The following DSCAM variants were observed in gnomAD, a reference collection of about 807,000 sequenced individuals.
The protein encoded by DSCAM is DS cell adhesion molecule, also known as cell adhesion molecule DSCAM.
Under a neutral mutation model 217.7 loss-of-function variants are expected in DSCAM, and 47 were observed. The observed-to-expected ratio is 0.22, with a 90% CI of 0.17 to 0.28. The LOEUF is 0.28. Ranked by LOEUF, DSCAM falls within the 10% of genes least tolerant of loss-of-function variation. DSCAM has a pLI of 1.00. For missense variants in DSCAM, 2,080 were observed against 2,618.3 expected, an observed-to-expected ratio of 0.79 and a Z score of 4.49; for synonymous variants, 1,056 against 1,015.3, an observed-to-expected ratio of 1.04 and a Z score of -0.76.
chr21:40,100,234 GA>G (rs1170556873), intron 20 of DSCAM, among the ~76,000 whole-genome samples: 2 of 151,970 alleles, frequency 1.3e-5, no homozygotes, highest in African/African-American at 2.4e-5. Flanking sequence ...GGAGAAAAAA[GA>G]AAAAAAGAGC....
In DSCAM at chr21:40,739,954, A is replaced by ATTT. The variant is rs56815777; in HGVS notation, c.44-31186_44-31184dup. ...GCCACCTCTAGATGATGCAGGTGTA[A>ATTT]TTTTTTTTTTTTTTTTTTTTTTTTT... On this transcript the variant is annotated intron_variant, in intron 1 of 32. Coordinates refer to ENST00000400454, the MANE Select transcript of DSCAM (RefSeq NM_001389.5). Among the ~76,000 whole-genome samples, 158 of 58,984 alleles carry ATTT rather than the reference A, an allele frequency of 2.7e-3. 6 individuals carry two copies. The highest frequency in any genetic ancestry group is 5.8e-3 in the African/African-American group (87 of 14,942). 38.7% of individuals were successfully genotyped at this position (58,984 alleles called of 152,430 possible).
At chr21:40,330,537 A>C (rs1337675274) in intron 8 of DSCAM, among the ~76,000 whole-genome samples, 1 of 151,924 alleles carries the variant, frequency 6.6e-6, no homozygotes, top group Non-Finnish European at 1.5e-5. Context: ...TTTTAAAGAA[A>C]GGTGTCTGCT....
At chr21:40,131,384 A>T (rs376998773) in intron 19 of DSCAM, among the ~76,000 whole-genome samples, 44 of 152,266 alleles carry the variant, frequency 2.9e-4, no homozygotes, top group South Asian at 2.3e-3. Flanking sequence ...AGATGAAGTG[A>T]TATTATTCTA....
intron 3 of DSCAM, among the ~76,000 whole-genome samples, chr21:40,440,313 A>G (rs2075619774): frequency 6.6e-6 from 1 of 152,206 alleles, no homozygotes; most frequent in Admixed American, 6.5e-5. Context: ...GCTGTGTGTG[A>G]CACTGAGCAA....
chr21:40,766,680 A>AG (rs1459637143), intron 1 of DSCAM, among the ~76,000 whole-genome samples: 2,643 of 123,778 alleles, frequency 0.021, 147 homozygotes, highest in African/African-American at 0.08. Context: ...AAAAAAAAAA[A>AG]AAAAAAAACA....
intron 20 of DSCAM, among the ~76,000 whole-genome samples, chr21:40,111,602 T>A (rs2089899813): frequency 6.6e-6 from 1 of 152,132 alleles, no homozygotes; most frequent in African/African-American, 2.4e-5. Context: ...AATGCTCCAA[T>A]TAAAAGACAC....
chr21:40,526,639 G>T (rs571261967), intron 3 of DSCAM, among the ~76,000 whole-genome samples: 1 of 152,218 alleles, frequency 6.6e-6, no homozygotes, highest in East Asian at 1.9e-4. Context: ...CAGGAACTTT[G>T]CTTATCAGAT....
In DSCAM at chr21:40,111,344, A is replaced by C. The variant is rs1298650914; in HGVS notation, c.3696+12851T>G. Among the ~76,000 whole-genome samples the C allele has an allele frequency of 3.3e-5, 5 of 151,822 alleles. No individual in the cohort carries two copies. The East Asian group carries it at 9.6e-4, about 29-fold the overall frequency. On this transcript the variant is annotated intron_variant, in intron 20 of 32. Coordinates refer to ENST00000400454, the MANE Select transcript of DSCAM (RefSeq NM_001389.5). ...TTCATAAGTGAAGGAGAAATAAAAT[A>C]CTTTACAGACAAGCAAATGCTGAGA...
At chr21:40,342,652 T>A (rs562602371) in intron 6 of DSCAM, among the ~76,000 whole-genome samples, 1,329 of 115,340 alleles carry the variant, frequency 0.012, 11 homozygotes, top group African/African-American at 0.038. Flanking sequence ...ATATATATTT[T>A]TTTTTTTTTT....
At chr21:40,707,405 A>C (rs2090729601) in intron 2 of DSCAM, among the ~76,000 whole-genome samples, 1 of 152,178 alleles carries the variant, frequency 6.6e-6, no homozygotes, top group African/African-American at 2.4e-5. Flanking sequence ...CAGGTCTTGG[A>C]ATTCATGAGC....
chr21:40,151,361 C>T (rs73225241), intron 16 of DSCAM, among the ~76,000 whole-genome samples: 6,725 of 152,162 alleles, frequency 0.044, 200 homozygotes, highest in African/African-American at 0.076. Context: ...CTGGTCTCCA[C>T]TGGCATTCAC....
intron 3 of DSCAM, among the ~76,000 whole-genome samples, chr21:40,532,007 A>G (rs1016579977): frequency 2.0e-5 from 3 of 152,204 alleles, no homozygotes; most frequent in African/African-American, 4.8e-5. Flanking sequence ...CCAAAGCCTC[A>G]TCATTTAAGG....
intron 3 of DSCAM, among the ~76,000 whole-genome samples, chr21:40,401,070 C>T (rs575004794): frequency 7.3e-4 from 111 of 152,164 alleles, no homozygotes; most frequent in African/African-American, 2.5e-3. Context: ...GGTTATTTTC[C>T]TTGAAGTAAC....
At chr21:40,059,021 C>T (rs554763629) in intron 28 of DSCAM, among the ~76,000 whole-genome samples, 1 of 152,312 alleles carries the variant, frequency 6.6e-6, no homozygotes, top group Non-Finnish European at 1.5e-5. Context: ...CAGAGAATTT[C>T]CCAGCTTAGC....
At position 40,062,918 on chromosome 21, in the gene DSCAM, C is replaced by T. The variant is rs1314457332; in HGVS notation, c.4889-19G>A. ...TTTGCATCTGGGGAAAGAAAGTTAA[C>T]ATTAGTACATGGTAAATAACTCATT... On this transcript the variant is annotated intron_variant, in intron 27 of 32. Transcript: ENST00000400454. 2 of 1,594,104 alleles carry T rather than the reference C, an allele frequency of 1.3e-6. No homozygotes were observed. Among genetic ancestry groups the T allele is most frequent in the Non-Finnish European group, 1.7e-6 (2 of 1,173,124 alleles).
chr21:40,084,033 C>T, intron 23 of DSCAM, 27 bp from the exon 24 acceptor site: 1 of 1,576,740 alleles, frequency 6.3e-7, no homozygotes, highest in Middle Eastern at 1.7e-4. Flanking sequence ...TTTTAGAAAA[C>T]AAGAATTAGT....
At position 40,093,585 on chromosome 21, in the gene DSCAM, C is replaced by G. The variant is rs565189921; in HGVS notation, c.3850+136G>C. 4.6e-6 allele frequency: 5 copies of G among 1,085,250 alleles called. No individual in the cohort carries two copies. The South Asian group carries it at 5.8e-5, about 13-fold the overall frequency. The allele number at this position is 1,085,250 out of a possible 1,614,324, so 67.2% of individuals were successfully genotyped here. A position where few individuals can be genotyped will look rare whatever the true frequency, so the allele number is the denominator to read the frequency against. On this transcript the variant is annotated intron_variant, in intron 21 of 32. Coordinates refer to ENST00000400454, the MANE Select transcript of DSCAM (RefSeq NM_001389.5). ...AAGCTCAGAGCTTGTTAGCCACAAC[C>G]CTGTTTCTTGAGCTAAAATGTGATA...
intron 3 of DSCAM, among the ~76,000 whole-genome samples, chr21:40,605,846 G>C (rs1291967628): frequency 7.8e-6 from 1 of 127,488 alleles, no homozygotes; most frequent in Non-Finnish European, 1.6e-5. Flanking sequence ...TATTGCCCAG[G>C]CTGGAATGCA....
At chr21:40,764,323 C>T (rs903518208) in intron 1 of DSCAM, among the ~76,000 whole-genome samples, 6 of 126,220 alleles carry the variant, frequency 4.8e-5, no homozygotes, top group African/African-American at 1.1e-4. Context: ...ATATTTATGC[C>T]GCCAAAAAAA....
Sources: gnomAD v4.1 joint callset for allele counts (sites outside exome capture counted in the v4.1 genomes callset) on GRCh38, gnomAD v4.1.1 for gene constraint, MANE v1.5 for transcripts, NCBI Gene and HGNC (gene_info 2026-07-23, HGNC 2026-07-21) for gene names.